CCSER1: variants seen among roughly 807,000 people sequenced by gnomAD.
CCSER1 encodes the protein coiled-coil serine rich protein 1, also known as serine-rich coiled-coil domain-containing protein 1.
CCSER1 carries 41 observed loss-of-function variants against 82.0 expected under a neutral mutation model. That is an observed-to-expected ratio of 0.50 (90% confidence interval 0.39 to 0.65). The LOEUF (loss-of-function observed/expected upper bound fraction) is 0.65. Ranked by LOEUF, CCSER1 falls within the 30% of genes least tolerant of loss-of-function variation. CCSER1 has a pLI of 0.00. For synonymous variants in CCSER1, 414 were observed against 383.9 expected, an observed-to-expected ratio of 1.08 and a Z score of -0.92; for missense variants, 1,119 against 1,064.2, an observed-to-expected ratio of 1.05 and a Z score of -0.72.
chr4:90,700,196 T>A (rs1737785695), intron 6 of CCSER1, among the ~76,000 whole-genome samples: 1 of 152,120 alleles, frequency 6.6e-6, no homozygotes. Flanking sequence ...GTCCAAGTGT[T>A]CTCATTGCTC....
chr4:91,280,304 C>A (rs752709884), intron 10 of CCSER1, among the ~76,000 whole-genome samples: 5 of 152,166 alleles, frequency 3.3e-5, no homozygotes, highest in Non-Finnish European at 7.3e-5. Flanking sequence ...CTGGAGACCA[C>A]CCAAGTTGGT....
chr4:90,622,904 T>G (rs1358189892), intron 5 of CCSER1, among the ~76,000 whole-genome samples: 3 of 152,198 alleles, frequency 2.0e-5, no homozygotes, highest in Non-Finnish European at 2.9e-5. Flanking sequence ...GTGTCCCTAT[T>G]TCTCCACATC....
At chr4:90,275,974 CAG>C (rs1233059127) in intron 1 of CCSER1, among the ~76,000 whole-genome samples, 1 of 152,088 alleles carries the variant, frequency 6.6e-6, no homozygotes. Flanking sequence ...GCCTAATTTA[CAG>C]AGAGCATTAA....
intron 10 of CCSER1, among the ~76,000 whole-genome samples, chr4:91,209,301 G>A (rs999717269): frequency 3.2e-4 from 49 of 151,942 alleles, no homozygotes; most frequent in African/African-American, 1.2e-3. Flanking sequence ...AGTTTTCAAG[G>A]GGATTCTTTC....
chr4:91,295,956 C>T (rs957736517), intron 10 of CCSER1, among the ~76,000 whole-genome samples: 5 of 151,822 alleles, frequency 3.3e-5, no homozygotes, highest in African/African-American at 4.8e-5. Context: ...TTTATAGTAA[C>T]TAAATAAAGA....
intron 1 of CCSER1, among the ~76,000 whole-genome samples, chr4:90,168,491 T>G (rs1196492957): frequency 6.6e-6 from 1 of 152,204 alleles, no homozygotes; most frequent in Admixed American, 6.5e-5. Context: ...TAGATCCCAT[T>G]TGTCCATTTT....
rs997027362 is a variant in CCSER1, at chr4:90,393,772, C to CTTTTTTTT, written c.1510-6249_1510-6242dup. ...GACTTTATACAATAGTTATATCTTC[C>CTTTTTTTT]TTTTTTTTTTTTTTTTTTTTTTGGG... On this transcript the variant is annotated intron_variant, in intron 3 of 10. Coordinates refer to ENST00000509176, the MANE Select transcript of CCSER1 (RefSeq NM_001145065.2). Among the ~76,000 whole-genome samples the CTTTTTTTT allele has an allele frequency of 1.8e-5, 2 of 111,356 alleles. 1 individual carries two copies. Among genetic ancestry groups the CTTTTTTTT allele is most frequent in the African/African-American group, 7.6e-5 (2 of 26,468 alleles). The allele number at this position is 111,356 out of a possible 152,430, so 73.1% of individuals were successfully genotyped here. A position where few individuals can be genotyped will look rare whatever the true frequency, so the allele number is the denominator to read the frequency against.
chr4:91,318,969 A>G (rs528911575), intron 10 of CCSER1: 1 of 159,022 alleles, frequency 6.3e-6, no homozygotes, highest in East Asian at 1.9e-4. Context: ...GGTCTTGACC[A>G]GAGGGAGTAT....
chr4:90,512,013 G>A (rs1560637779), intron 5 of CCSER1, among the ~76,000 whole-genome samples: 1 of 152,038 alleles, frequency 6.6e-6, no homozygotes, highest in Non-Finnish European at 1.5e-5. Flanking sequence ...AGGTACTGGA[G>A]GTTTGAGAAG....
At chr4:90,877,753 CACT>C (rs1720564508) in intron 8 of CCSER1, among the ~76,000 whole-genome samples, 2 of 151,670 alleles carry the variant, frequency 1.3e-5, no homozygotes, top group African/African-American at 4.8e-5. Context: ...AAAACAAACC[CACT>C]AAGATTTGGA....
chr4:91,004,214 A>C (rs1377760277), intron 9 of CCSER1, among the ~76,000 whole-genome samples: 2 of 152,064 alleles, frequency 1.3e-5, no homozygotes, highest in Non-Finnish European at 2.9e-5. Flanking sequence ...TCTGCAAATG[A>C]GCTGCAATCT....
chr4:90,999,879 GT>G (rs33987640), intron 9 of CCSER1, among the ~76,000 whole-genome samples: 56,587 of 136,316 alleles, frequency 0.42, 11,622 homozygotes, highest in African/African-American at 0.51. Flanking sequence ...TGTTTCTGAG[GT>G]TTTTTTTTTT....
chr4:90,879,633 A>G (rs902396545), intron 8 of CCSER1, among the ~76,000 whole-genome samples: 2 of 150,334 alleles, frequency 1.3e-5, no homozygotes, highest in Non-Finnish European at 3.0e-5. Flanking sequence ...AGGAGGAAAG[A>G]AGAAAGAAGA....
Position 90,143,610 on chromosome 4 carries a change from T to G in CCSER1, c.-42+15779T>G, listed in dbSNP as rs540159984. Among the ~76,000 whole-genome samples the G allele has an allele frequency of 1.2e-4, 19 of 152,094 alleles. No individual in the cohort carries two copies. In the East Asian group the frequency reaches 3.7e-3, roughly 29 times the overall value. ...GAATGGATTATTGAATAAATTAACT[T>G]TTCTTTTTTCTTTTTTAACAACTAA... On this transcript the variant is annotated intron_variant, in intron 1 of 10. Transcript: ENST00000509176.
chr4:90,641,532 G>A (rs542676494), intron 6 of CCSER1, among the ~76,000 whole-genome samples: 5 of 152,196 alleles, frequency 3.3e-5, no homozygotes, highest in Admixed American at 1.3e-4. Flanking sequence ...CTTTCCAAGT[G>A]TATGTAATCC....
chr4:91,060,540 T>C (rs1304483379), intron 9 of CCSER1, among the ~76,000 whole-genome samples: 1 of 152,078 alleles, frequency 6.6e-6, no homozygotes. Context: ...GCAAGTTCTT[T>C]CAAAATGTCA....
chr4:90,879,675 A>AAAG (rs768044724), intron 8 of CCSER1, among the ~76,000 whole-genome samples: 1 of 151,756 alleles, frequency 6.6e-6, no homozygotes, highest in African/African-American at 2.4e-5. Context: ...GAAGAAGAAG[A>AAAG]AAGAAGAAGA....
At chr4:90,341,900 C>A (rs59015140) in intron 3 of CCSER1, among the ~76,000 whole-genome samples, 495 of 152,218 alleles carry the variant, frequency 3.3e-3, no homozygotes, top group African/African-American at 0.012. Flanking sequence ...ACCTTATATG[C>A]ATAGATAGAC....
At chr4:90,490,451 A>C (rs923015153) in intron 5 of CCSER1, among the ~76,000 whole-genome samples, 7 of 151,770 alleles carry the variant, frequency 4.6e-5, no homozygotes, top group Admixed American at 1.3e-4. Context: ...GATTGCAAAA[A>C]TTTTCTCCCA....
Sources: allele counts gnomAD v4.1 joint callset (sites outside exome capture counted in the v4.1 genomes callset), GRCh38; gene constraint gnomAD v4.1.1; transcripts MANE v1.5; gene names NCBI Gene and HGNC (gene_info 2026-07-23, HGNC 2026-07-21).